SLC24A2: variants seen among roughly 807,000 people sequenced by gnomAD.
The protein encoded by SLC24A2 is sodium/potassium/calcium exchanger 2.
A neutral mutation model predicts 62.0 loss-of-function variants in SLC24A2; 36 were observed. The ratio of observed to expected loss-of-function variants is 0.58; its 90% CI spans 0.44 to 0.77. The LOEUF (loss-of-function observed/expected upper bound fraction) is 0.77, where lower values mean the gene tolerates loss of function less well. SLC24A2 is among the 30% of genes least tolerant of loss of function. The probability of loss-of-function intolerance (pLI) is 0.00; values close to 1 mark genes in which losing one functional copy is unlikely to be tolerated. For synonymous variants in SLC24A2, 358 were observed against 294.0 expected, an observed-to-expected ratio of 1.22 and a Z score of -2.23; for missense variants, 846 against 817.9, an observed-to-expected ratio of 1.03 and a Z score of -0.42.
chr9:19,517,572 G>A (rs1049143752), intron 10 of SLC24A2, among the ~76,000 whole-genome samples: 1 of 152,184 alleles, frequency 6.6e-6, no homozygotes, highest in Non-Finnish European at 1.5e-5. Flanking sequence ...CTAACTGGGT[G>A]CATATGTTAA....
intron 2 of SLC24A2, among the ~76,000 whole-genome samples, chr9:19,702,627 G>C (rs1002474394): frequency 2.6e-5 from 4 of 152,140 alleles, no homozygotes; most frequent in Non-Finnish European, 4.4e-5. Context: ...TCTGCGTCTT[G>C]CATTATAGTT....
At chr9:19,731,516 C>CTCCGTGTGT (rs72153360) in intron 2 of SLC24A2, among the ~76,000 whole-genome samples, 1 of 113,710 alleles carries the variant, frequency 8.8e-6, no homozygotes, top group African/African-American at 2.6e-5. Context: ...TCTCTCTCTC[C>CTCCGTGTGT]GTGTGTGTGT....
the SLC24A2 span, among the ~76,000 whole-genome samples, chr9:20,171,555 T>A: frequency 2.0e-5 from 3 of 151,708 alleles, no homozygotes; most frequent in Admixed American, 1.3e-4. Context: ...CAAAAGCAAA[T>A]GGGAGTAGCT....
At chr9:19,948,434 T>G in the SLC24A2 span, among the ~76,000 whole-genome samples, 2 of 152,220 alleles carry the variant, frequency 1.3e-5, no homozygotes, top group Non-Finnish European at 2.9e-5. Context: ...AAGCTGCTTA[T>G]CAACATTTCC....
chr9:19,636,363 CTTTCTTTCTTTCTTTCTT>C lies in SLC24A2; in HGVS notation c.931-14082_931-14065del, dbSNP rs1564009935. ...TCTTTCTTTCTTTCTTTCTTTCTTT[CTTTCTTTCTTTCTTTCTT>C]TCTTTCTCCCTCTCTCTCTCTCTCT... On this transcript the variant is annotated intron_variant, in intron 2 of 10. Transcript: ENST00000341998. Among the ~76,000 whole-genome samples, 212 of 35,608 alleles carry C rather than the reference CTTTCTTTCTTTCTTTCTT, an allele frequency of 6.0e-3. 12 individuals are homozygous for C. The highest frequency in any genetic ancestry group is 0.014 in the African/African-American group (108 of 7,800). The allele number at this position is 35,608 out of a possible 152,430, so 23.4% of individuals were successfully genotyped here.
the SLC24A2 span, among the ~76,000 whole-genome samples, chr9:20,248,781 A>ACT: frequency 6.6e-6 from 1 of 152,218 alleles, no homozygotes; most frequent in Non-Finnish European, 1.5e-5. Flanking sequence ...TCCAACTGCA[A>ACT]ATCCTGACAA....
the SLC24A2 span, among the ~76,000 whole-genome samples, chr9:20,228,398 C>T: frequency 6.6e-6 from 1 of 152,136 alleles, no homozygotes; most frequent in Non-Finnish European, 1.5e-5. Flanking sequence ...GTTGCACTCA[C>T]ATACACACCC....
At chr9:19,947,845 A>AAAGG in the SLC24A2 span, among the ~76,000 whole-genome samples, 3 of 149,988 alleles carry the variant, frequency 2.0e-5, no homozygotes, top group East Asian at 3.9e-4. Context: ...AGAAAGAAAG[A>AAAGG]AAGAAATTAG....
At chr9:19,824,801 A>G in the SLC24A2 span, among the ~76,000 whole-genome samples, 1 of 152,236 alleles carries the variant, frequency 6.6e-6, no homozygotes, top group Non-Finnish European at 1.5e-5. Flanking sequence ...CTGGATAAGG[A>G]AAATGTGGCA....
At chr9:19,683,445 T>C (rs1250586164) in intron 2 of SLC24A2, among the ~76,000 whole-genome samples, 1 of 151,970 alleles carries the variant, frequency 6.6e-6, no homozygotes, top group Non-Finnish European at 1.5e-5. Flanking sequence ...CCAGAAAAGG[T>C]GATGGGCATT....
chr9:20,104,366 T>C, the SLC24A2 span, among the ~76,000 whole-genome samples: 2 of 152,046 alleles, frequency 1.3e-5, no homozygotes, highest in African/African-American at 2.4e-5. Flanking sequence ...AAGATACTCC[T>C]CGAGAAGAGC....
intron 4 of SLC24A2, among the ~76,000 whole-genome samples, chr9:19,607,718 CAAAAAAAAAA>C (rs769291086): frequency 1.5e-5 from 1 of 67,244 alleles, no homozygotes; most frequent in East Asian, 4.9e-4. Context: ...GACTCTGTCT[CAAAAAAAAAA>C]AAAAAAAAAA....
the SLC24A2 span, among the ~76,000 whole-genome samples, chr9:19,804,922 C>T: frequency 6.6e-6 from 1 of 152,100 alleles, no homozygotes; most frequent in Non-Finnish European, 1.5e-5. Context: ...ACTAATGTGG[C>T]ATATTACATT....
chr9:19,636,286 C>CTTTTCTTTTCTTTTCTTTTCCT (rs1288181642), intron 2 of SLC24A2, among the ~76,000 whole-genome samples: 1 of 88,086 alleles, frequency 1.1e-5, no homozygotes, highest in Non-Finnish European at 2.3e-5. Flanking sequence ...CTCTTCTTCT[C>CTTTTCTTTTCTTTTCTTTTCCT]TTCTTTTCTT....
chr9:20,085,501 T>C, the SLC24A2 span, among the ~76,000 whole-genome samples: 2 of 152,254 alleles, frequency 1.3e-5, no homozygotes, highest in Non-Finnish European at 1.5e-5. Flanking sequence ...TTTCTAGGAC[T>C]AGCCTAGACT....
At chr9:20,229,968 G>C in the SLC24A2 span, among the ~76,000 whole-genome samples, 4 of 148,130 alleles carry the variant, frequency 2.7e-5, no homozygotes, top group South Asian at 2.1e-4. Context: ...GCACCTATGA[G>C]TGAGAACATG....
chr9:20,285,647 G>A, the SLC24A2 span, among the ~76,000 whole-genome samples: 1 of 152,200 alleles, frequency 6.6e-6, no homozygotes, highest in African/African-American at 2.4e-5. Flanking sequence ...CTCATCCAAA[G>A]TCACCTCACA....
At chr9:19,621,657 T>G (rs762207787) in intron 3 of SLC24A2, among the ~76,000 whole-genome samples, 31 of 152,156 alleles carry the variant, frequency 2.0e-4, no homozygotes, top group Non-Finnish European at 3.2e-4. Flanking sequence ...GATGTGTTAA[T>G]TAAATAGGAA....
At chr9:20,217,559 A>G in the SLC24A2 span, among the ~76,000 whole-genome samples, 1 of 152,180 alleles carries the variant, frequency 6.6e-6, no homozygotes. Flanking sequence ...TCTTCCTAAA[A>G]AAAGCTTGGG....
Sources: allele counts gnomAD v4.1 joint callset (sites outside exome capture counted in the v4.1 genomes callset), GRCh38; gene constraint gnomAD v4.1.1; transcripts MANE v1.5; gene names NCBI Gene and HGNC (gene_info 2026-07-23, HGNC 2026-07-21).